Variants in POC1A observed in about 807,000 individuals in gnomAD.
POC1A encodes the protein POC1 centriolar protein A, also known as POC1 centriolar protein homolog A.
Under a neutral mutation model 47.8 loss-of-function variants are expected in POC1A, and 34 were observed. That is an observed-to-expected ratio of 0.71 (90% confidence interval 0.54 to 0.95). The LOEUF is 0.95. POC1A is among the 40% of genes least tolerant of loss of function. The pLI, the probability that POC1A is intolerant of heterozygous loss-of-function variation, is 0.00. For missense variants in POC1A, 466 were observed against 528.3 expected, an observed-to-expected ratio of 0.88 and a Z score of 1.16; for synonymous variants, 177 against 207.6, an observed-to-expected ratio of 0.85 and a Z score of 1.27.
At chr3:52,111,219 A>G (rs1703369161) in intron 9 of POC1A, among the ~76,000 whole-genome samples, 1 of 152,250 alleles carries the variant, frequency 6.6e-6, no homozygotes, top group Non-Finnish European at 1.5e-5. Context: ...TTCTAGTGAC[A>G]GGAAACACCA....
intron 7 of POC1A, among the ~76,000 whole-genome samples, chr3:52,128,645 C>T (rs1468460853): frequency 1.3e-5 from 2 of 152,202 alleles, no homozygotes; most frequent in African/African-American, 4.8e-5. Flanking sequence ...TGACATGCTT[C>T]AGGGCCTAGC....
At chr3:52,103,394 C>G (rs554927489) in intron 9 of POC1A, among the ~76,000 whole-genome samples, 14 of 152,072 alleles carry the variant, frequency 9.2e-5, no homozygotes, top group Non-Finnish European at 2.1e-4. Flanking sequence ...GGTGTGGTGG[C>G]GGGCACCTGT....
chr3:52,122,833 C>A (rs1244075460), intron 8 of POC1A, among the ~76,000 whole-genome samples: 1 of 152,268 alleles, frequency 6.6e-6, no homozygotes, highest in Non-Finnish European at 1.5e-5. Flanking sequence ...CTCAGAGAGG[C>A]CTTCTGTGAA....
chr3:52,106,542 G>A (rs942297093), intron 9 of POC1A, among the ~76,000 whole-genome samples: 1 of 152,172 alleles, frequency 6.6e-6, no homozygotes, highest in African/African-American at 2.4e-5. Context: ...AATCGTGAAG[G>A]GGTTGAGGGG....
chr3:52,137,346 T>G (rs750661576), intron 7 of POC1A, among the ~76,000 whole-genome samples: 8 of 151,932 alleles, frequency 5.3e-5, no homozygotes, highest in Non-Finnish European at 1.0e-4. Flanking sequence ...ACCTCAGACT[T>G]AGCTGATAGT....
intron 10 of POC1A, 142 bp downstream of exon 10, chr3:52,096,427 A>G (rs1470471114): frequency 2.7e-6 from 2 of 730,412 alleles, no homozygotes; most frequent in Admixed American, 5.4e-5. Flanking sequence ...AGGCTCTGCA[A>G]TGTCATTAAT....
At chr3:52,109,194 T>C (rs1344730565) in intron 9 of POC1A, among the ~76,000 whole-genome samples, 2 of 152,332 alleles carry the variant, frequency 1.3e-5, no homozygotes, top group East Asian at 1.9e-4. Context: ...AATGTGAATG[T>C]GGACTAGATA....
chr3:52,118,717 A>T (rs981856945), intron 9 of POC1A, among the ~76,000 whole-genome samples: 1 of 152,192 alleles, frequency 6.6e-6, no homozygotes, highest in African/African-American at 2.4e-5. Flanking sequence ...CACCTGCCCG[A>T]TGGGCTTCCT....
chr3:52,125,746 C>G (rs1016121931), intron 7 of POC1A, among the ~76,000 whole-genome samples: 1 of 152,140 alleles, frequency 6.6e-6, no homozygotes, highest in African/African-American at 2.4e-5. Flanking sequence ...CAATGTGACA[C>G]GTCTCTCTAA....
At position 52,149,748 on chromosome 3, in the gene POC1A, C is replaced by G. The variant is rs147336456; in HGVS notation, c.275+68G>C. On this transcript the variant is annotated intron_variant, in intron 3 of 10. Transcript: ENST00000296484. ...CCAGTCCAGAGCCAAGCTAGGGGAC[C>G]TGGGTGGGGATGGCTCTGGCACCAG... 70 of 1,487,810 alleles carry G rather than the reference C, an allele frequency of 4.7e-5. No homozygotes were observed. The East Asian group carries it at 1.6e-3, about 33-fold the overall frequency. 92.2% of individuals were successfully genotyped at this position (1,487,810 alleles called of 1,614,324 possible).
At chr3:52,138,717 T>C (rs907092242) in intron 6 of POC1A, among the ~76,000 whole-genome samples, 1 of 152,122 alleles carries the variant, frequency 6.6e-6, no homozygotes, top group Non-Finnish European at 1.5e-5. Flanking sequence ...CAAATGTCAA[T>C]ACAATGCCAC....
chr3:52,147,212 G>A (rs367839453), intron 4 of POC1A, 117 bp from the exon 5 acceptor site: 8 of 722,390 alleles, frequency 1.1e-5, no homozygotes, highest in Admixed American at 8.8e-5. Flanking sequence ...GGAACCACCC[G>A]GGGTCACATG....
intron 10 of POC1A, among the ~76,000 whole-genome samples, chr3:52,077,902 C>A (rs1702167536): frequency 6.6e-6 from 1 of 152,102 alleles, no homozygotes; most frequent in African/African-American, 2.4e-5. Context: ...ACAAGGGACT[C>A]CACTTAGTTC....
chr3:52,129,980 G>A (rs1049199374), intron 7 of POC1A, among the ~76,000 whole-genome samples: 1 of 152,232 alleles, frequency 6.6e-6, no homozygotes, highest in Non-Finnish European at 1.5e-5. Flanking sequence ...TTTCACAGTC[G>A]TGCTGGCTCT....
chr3:52,145,852 A>G lies in POC1A; in HGVS notation c.673T>C (p.Tyr225His). ...GAGGCTGTTCACCACTCACACTGAT[A>G]ATGCTGCAGCAGCCGGTGAGTCCGC... is the stretch of plus-strand genomic sequence containing the variant. ...DVRTHRLLQHYQLHSAAVNGL... is the reference protein window; with the variant it reads ...DVRTHRLLQHHQLHSAAVNGL... Residue 225 changes from tyrosine (Y) to histidine (H), a missense_variant, in exon 6 of 11, where the codon TAT (tyrosine) becomes CAT (histidine). By Grantham distance (83) the Tyr-to-His change is moderately conservative. Coordinates refer to ENST00000296484, the MANE Select transcript of POC1A (RefSeq NM_015426.5). 6.2e-7 allele frequency: 1 copy of G among 1,610,318 alleles called. No homozygotes were observed. Among genetic ancestry groups the G allele is most frequent in the Non-Finnish European group, 8.5e-7 (1 of 1,176,890 alleles).
intron 9 of POC1A, among the ~76,000 whole-genome samples, chr3:52,120,498 G>A (rs999342897): frequency 1.3e-5 from 2 of 152,210 alleles, no homozygotes; most frequent in Non-Finnish European, 2.9e-5. Context: ...GTCACTTGGT[G>A]GGGGTCTCAA....
chr3:52,136,087 AC>A (rs1334724155), intron 7 of POC1A, among the ~76,000 whole-genome samples: 1 of 151,934 alleles, frequency 6.6e-6, no homozygotes, highest in Non-Finnish European at 1.5e-5. Context: ...AGTTTGCAGA[AC>A]CCTGAGCAAG....
chr3:52,140,074 T>C (rs1289175766), intron 6 of POC1A, among the ~76,000 whole-genome samples: 3 of 152,214 alleles, frequency 2.0e-5, no homozygotes, highest in African/African-American at 7.2e-5. Context: ...ACTGAAAGGC[T>C]GTAAGAACCA....
intron 6 of POC1A, among the ~76,000 whole-genome samples, chr3:52,143,786 A>G (rs978134904): frequency 2.6e-5 from 4 of 152,142 alleles, no homozygotes; most frequent in Non-Finnish European, 5.9e-5. Context: ...GGACACCGCT[A>G]TCCTCTCAGA....
Sources: gnomAD v4.1 joint callset for allele counts (sites outside exome capture counted in the v4.1 genomes callset) on GRCh38, gnomAD v4.1.1 for gene constraint, MANE v1.5 for transcripts, NCBI Gene and HGNC (gene_info 2026-07-23, HGNC 2026-07-21) for gene names.